Variants in RALA observed in about 807,000 individuals in gnomAD.
The protein encoded by RALA is RAS like proto-oncogene A.
In RALA, 5 loss-of-function variants were observed where a neutral mutation model predicts 24.0. The ratio of observed to expected loss-of-function variants is 0.21; its 90% CI spans 0.11 to 0.44. The LOEUF (loss-of-function observed/expected upper bound fraction) is 0.44, where lower values mean the gene tolerates loss of function less well. Ranked by LOEUF, RALA falls within the 20% of genes least tolerant of loss-of-function variation. RALA has a pLI of 0.99. For synonymous variants in RALA, 77 were observed against 83.8 expected (o/e 0.92, Z 0.44); for missense variants, 95 against 241.2 (o/e 0.39, Z 4.01).
chr7:39,627,608 A>C (rs1223074694), intron 1 of RALA, among the ~76,000 whole-genome samples: 6 of 152,206 alleles, frequency 3.9e-5, no homozygotes, highest in Non-Finnish European at 2.9e-5. Flanking sequence ...AAGATCCCCC[A>C]GTTTCCAAAA....
chr7:39,674,558 G>A (rs769836810), intron 1 of RALA, among the ~76,000 whole-genome samples: 3 of 152,004 alleles, frequency 2.0e-5, no homozygotes, highest in Non-Finnish European at 4.4e-5. Context: ...ATTTTTGTCA[G>A]TACTCTGCAT....
chr7:39,637,414 C>T (rs191888665), intron 1 of RALA, among the ~76,000 whole-genome samples: 2 of 152,314 alleles, frequency 1.3e-5, no homozygotes, highest in East Asian at 3.9e-4. Flanking sequence ...CTTTTGAACA[C>T]ACCTGTAACT....
chr7:39,671,122 T>G (rs1302602486), intron 1 of RALA, among the ~76,000 whole-genome samples: 1 of 152,122 alleles, frequency 6.6e-6, no homozygotes, highest in Non-Finnish European at 1.5e-5. Flanking sequence ...TAGTCCTAAC[T>G]CAAGTCATCA....
chr7:39,705,195 C>G lies in RALA; in HGVS notation c.499-928C>G, dbSNP rs2115562485. Among the ~76,000 whole-genome samples, 2 of 152,316 alleles carry G rather than the reference C, an allele frequency of 1.3e-5. 1 individual carries two copies. The highest frequency in any genetic ancestry group is 4.1e-4 in the South Asian group (2 of 4,822). On this transcript the variant is annotated intron_variant, in intron 4 of 4. Coordinates refer to ENST00000005257, the MANE Select transcript of RALA (RefSeq NM_005402.4). ...CACACACACACAGGTAGCGCTCCAT[C>G]TGCTATTCTGTGCCTTGCTTTTTTC...
At chr7:39,685,822 A>G (rs755186740) in intron 1 of RALA, among the ~76,000 whole-genome samples, 6 of 152,158 alleles carry the variant, frequency 3.9e-5, no homozygotes. Flanking sequence ...AATAGCAGTA[A>G]GTAAGCATTT....
chr7:39,627,061 A>C (rs1165058486), intron 1 of RALA, among the ~76,000 whole-genome samples: 1 of 148,652 alleles, frequency 6.7e-6, no homozygotes, highest in Non-Finnish European at 1.5e-5. Flanking sequence ...GAATGTGTCC[A>C]TCTCTCTCTC....
Position 39,707,405 on chromosome 7 carries a change from T to C in RALA, c.*1160T>C, listed in dbSNP as rs1283174895. On this transcript the variant is annotated 3_prime_UTR_variant, in exon 5 of 5. Transcript: ENST00000005257. ...TTATTAGGAGTAATTCTTTTCTGTT[T>C]CTGTTTATAATGAAGAACACTGTAG... The C allele has an allele frequency of 6.6e-6, 1 of 152,228 alleles. No homozygotes were observed. The highest frequency in any genetic ancestry group is 6.5e-5 in the Admixed American group (1 of 15,288). The allele number at this position is 152,228 out of a possible 1,614,324, so 9.4% of individuals were successfully genotyped here.
At chr7:39,669,808 TAAAA>T (rs35648613) in intron 1 of RALA, among the ~76,000 whole-genome samples, 5 of 133,792 alleles carry the variant, frequency 3.7e-5, no homozygotes, top group East Asian at 4.5e-4. Context: ...TCTGTCTCTT[TAAAA>T]AAAAAAAAAA....
At chr7:39,670,455 T>C (rs1329683685) in intron 1 of RALA, among the ~76,000 whole-genome samples, 2 of 152,222 alleles carry the variant, frequency 1.3e-5, no homozygotes, top group Admixed American at 6.5e-5. Flanking sequence ...CTGAACATTA[T>C]TTCTTTATTC....
chr7:39,669,344 G>T (rs1046686339), intron 1 of RALA, among the ~76,000 whole-genome samples: 16 of 152,012 alleles, frequency 1.1e-4, no homozygotes, highest in African/African-American at 3.9e-4. Flanking sequence ...ATACATGTTG[G>T]TGCAGAATAT....
At chr7:39,672,296 C>T (rs1209228105) in intron 1 of RALA, among the ~76,000 whole-genome samples, 1 of 152,130 alleles carries the variant, frequency 6.6e-6, no homozygotes, top group Non-Finnish European at 1.5e-5. Flanking sequence ...CAAGTAACTA[C>T]ATGAAAAGAG....
At chr7:39,690,268 G>C in intron 2 of RALA, 114 bp from the exon 3 acceptor site, 8 of 807,324 alleles carry the variant, frequency 9.9e-6, no homozygotes, top group Non-Finnish European at 1.5e-5. Context: ...TGGGCAAAGG[G>C]TATACAGAAC....
At chr7:39,656,461 T>G (rs1792098933) in intron 1 of RALA, among the ~76,000 whole-genome samples, 1 of 152,150 alleles carries the variant, frequency 6.6e-6, no homozygotes, top group Admixed American at 6.5e-5. Flanking sequence ...TGATTTTTGA[T>G]AGGAACAAGA....
chr7:39,653,443 A>G (rs2115974782), intron 1 of RALA, among the ~76,000 whole-genome samples: 1 of 151,938 alleles, frequency 6.6e-6, no homozygotes, highest in Non-Finnish European at 1.5e-5. Context: ...CTCCTACCTC[A>G]GCCTTCTGAG....
chr7:39,676,068 T>C (rs1792481893), intron 1 of RALA, among the ~76,000 whole-genome samples: 1 of 152,122 alleles, frequency 6.6e-6, no homozygotes, highest in South Asian at 2.1e-4. Flanking sequence ...CTCCGCCTCC[T>C]GGGTTCACGC....
At chr7:39,695,887 C>CA (rs1225953907) in intron 3 of RALA, among the ~76,000 whole-genome samples, 5 of 151,692 alleles carry the variant, frequency 3.3e-5, no homozygotes, top group Non-Finnish European at 5.9e-5. Context: ...TTTGATTTTA[C>CA]AAAAAAACAT....
At chr7:39,668,175 C>A (rs867862321) in intron 1 of RALA, among the ~76,000 whole-genome samples, 5 of 152,132 alleles carry the variant, frequency 3.3e-5, no homozygotes, top group Admixed American at 6.5e-5. Flanking sequence ...TCACAGTATA[C>A]AAGTAGCAGG....
intron 1 of RALA, among the ~76,000 whole-genome samples, chr7:39,651,613 G>C (rs1406238576): frequency 1.3e-5 from 2 of 150,680 alleles, no homozygotes. Flanking sequence ...AGTAACATTT[G>C]TGGTAGAAAA....
Position 39,696,803 on chromosome 7 carries a change from C to G in RALA, c.442C>G (p.Gln148Glu), listed in dbSNP as rs1792930644. Residue 148 changes from glutamine to glutamate, a missense_variant, in exon 4 of 5, where the codon CAG becomes GAG. Gln to Glu is a conservative substitution (Grantham distance 29, BLOSUM62 2). Transcript: ENST00000005257. ...AGAAGAGGCAAAAAACAGAGCTGAG[C>G]AGTGGAATGTTAACTACGTGGAAAC... ...SVEEAKNRAE[Q>E]WNVNYVETSA... The G allele has an allele frequency of 1.2e-6, 2 of 1,613,704 alleles. No individual in the cohort carries two copies. The highest frequency in any genetic ancestry group is 4.5e-5 in the East Asian group (2 of 44,846).
Sources: gnomAD v4.1 joint callset for allele counts (sites outside exome capture counted in the v4.1 genomes callset) on GRCh38, gnomAD v4.1.1 for gene constraint, MANE v1.5 for transcripts, NCBI Gene and HGNC (gene_info 2026-07-23, HGNC 2026-07-21) for gene names.